The following TRAPPC9 variants were observed in gnomAD, a reference collection of about 807,000 sequenced individuals.
TRAPPC9 encodes trafficking protein particle complex subunit 9.
A neutral mutation model predicts 124.0 loss-of-function variants in TRAPPC9; 83 were observed. The ratio of observed to expected loss-of-function variants is 0.67; its 90% CI spans 0.56 to 0.80. The LOEUF is 0.80. Ranked by LOEUF, TRAPPC9 falls within the 30% of genes least tolerant of loss-of-function variation. The pLI is 0.00. For synonymous variants in TRAPPC9, 638 were observed against 617.5 expected (o/e 1.03, Z -0.49); for missense variants, 1,302 against 1,508.3 (o/e 0.86, Z 2.27).
intron 13 of TRAPPC9, among the ~76,000 whole-genome samples, chr8:140,284,820 G>A (rs577715329): frequency 6.6e-6 from 1 of 152,282 alleles, no homozygotes; most frequent in South Asian, 2.1e-4. Flanking sequence ...CTCACCTCCT[G>A]CCAGCTTAAA....
chr8:140,426,332 G>A (rs2070421669), intron 5 of TRAPPC9, among the ~76,000 whole-genome samples: 1 of 152,200 alleles, frequency 6.6e-6, no homozygotes, highest in Non-Finnish European at 1.5e-5. Flanking sequence ...GGACAAACAT[G>A]CTCAATGCAT....
At chr8:139,756,548 T>A (rs1229016042) in intron 21 of TRAPPC9, among the ~76,000 whole-genome samples, 75 of 87,990 alleles carry the variant, frequency 8.5e-4, no homozygotes, top group African/African-American at 1.2e-3. Flanking sequence ...GGAGCCAGGG[T>A]TTGGGGATGA....
intron 17 of TRAPPC9, among the ~76,000 whole-genome samples, chr8:140,220,794 G>C (rs1267936407): frequency 6.6e-6 from 1 of 152,178 alleles, no homozygotes; most frequent in East Asian, 1.9e-4. Context: ...CCAAAGGCTG[G>C]TCCTGAACAC....
chr8:140,353,134 C>T lies in TRAPPC9; in HGVS notation c.1495+6916G>A, dbSNP rs2067637077. ...GTAGAAGAGGTAAACCAAAAGACTT[C>T]AGATCCCAACAAGACCAAGCCCAGG... is the stretch of plus-strand genomic sequence containing the variant. On this transcript the variant is annotated intron_variant, in intron 9 of 22. Coordinates refer to ENST00000438773, the MANE Select transcript of TRAPPC9 (RefSeq NM_001160372.4). The surrounding 1 kb of genome is among the most constrained non-coding windows in gnomAD (Gnocchi z 4.2). Among the ~76,000 whole-genome samples the T allele has an allele frequency of 6.6e-6, 1 of 152,196 alleles. No individual in the cohort carries two copies. The highest frequency in any genetic ancestry group is 1.5e-5 in the Non-Finnish European group (1 of 68,040).
chr8:140,280,323 T>A (rs1038683649), intron 14 of TRAPPC9, among the ~76,000 whole-genome samples: 8 of 152,250 alleles, frequency 5.3e-5, no homozygotes, highest in Non-Finnish European at 8.8e-5. Context: ...TTCATCTTTC[T>A]AAACAGCATG....
intron 9 of TRAPPC9, among the ~76,000 whole-genome samples, chr8:140,327,144 T>C (rs966152811): frequency 2.0e-5 from 3 of 151,888 alleles, no homozygotes; most frequent in African/African-American, 7.3e-5. Context: ...TCCCAGCTAC[T>C]CGGGAGACTG....
intron 21 of TRAPPC9, among the ~76,000 whole-genome samples, chr8:139,747,901 TA>T (rs1441925881): frequency 2.1e-5 from 1 of 47,346 alleles, no homozygotes; most frequent in Non-Finnish European, 3.5e-5. Context: ...TCAGAGCAGG[TA>T]GGGGGGGCAT....
chr8:139,758,273 G>A (rs1375776835), intron 21 of TRAPPC9, among the ~76,000 whole-genome samples: 2 of 152,230 alleles, frequency 1.3e-5, no homozygotes, highest in Non-Finnish European at 2.9e-5. Flanking sequence ...TGCCTGTGGA[G>A]GAGACCGCCC....
At chr8:139,799,732 T>C (rs1035914862) in intron 21 of TRAPPC9, among the ~76,000 whole-genome samples, 11 of 152,182 alleles carry the variant, frequency 7.2e-5, no homozygotes, top group African/African-American at 2.4e-4. Context: ...AGGAAGAATG[T>C]CCTACCCCGG....
At chr8:139,833,167 G>A (rs1826101389) in intron 21 of TRAPPC9, among the ~76,000 whole-genome samples, 1 of 152,168 alleles carries the variant, frequency 6.6e-6, no homozygotes, top group East Asian at 1.9e-4. Context: ...AACAAGCTTA[G>A]AAGTAGATTT....
intron 9 of TRAPPC9, among the ~76,000 whole-genome samples, chr8:140,324,305 G>GA (rs1344534262): frequency 6.6e-6 from 1 of 152,170 alleles, no homozygotes; most frequent in Admixed American, 6.5e-5. Context: ...GCAAAGGGAT[G>GA]AATGGACACA....
At chr8:139,751,440 T>C (rs995806595) in intron 21 of TRAPPC9, among the ~76,000 whole-genome samples, 1 of 152,180 alleles carries the variant, frequency 6.6e-6, no homozygotes, top group Non-Finnish European at 1.5e-5. Context: ...GCCTTGCTCA[T>C]TTCTGATTCT....
intron 17 of TRAPPC9, among the ~76,000 whole-genome samples, chr8:140,051,454 T>C (rs1365357300): frequency 1.3e-5 from 2 of 152,182 alleles, no homozygotes; most frequent in Admixed American, 6.5e-5. Context: ...AGCAAGCATC[T>C]GAGGGGTCCC....
intron 21 of TRAPPC9, among the ~76,000 whole-genome samples, chr8:139,866,760 G>A (rs1828569189): frequency 6.6e-6 from 1 of 151,652 alleles, no homozygotes. Flanking sequence ...AAGAGATGTT[G>A]AGGCTGTGTG....
In TRAPPC9 at chr8:140,445,604, A is replaced by C. The variant is rs566049204; in HGVS notation, c.584+5186T>G. ...TGGCGGCAGAAAAGGCCCACAACCCAGGGTTAAACCAGCCACCACTGGATC... is the reference window on the plus strand; with the variant it reads ...TGGCGGCAGAAAAGGCCCACAACCCCGGGTTAAACCAGCCACCACTGGATC... On this transcript the variant is annotated intron_variant, in intron 2 of 22. Coordinates refer to ENST00000438773, the MANE Select transcript of TRAPPC9 (RefSeq NM_001160372.4). Among the ~76,000 whole-genome samples, 92 of 152,330 alleles carry C rather than the reference A, an allele frequency of 6.0e-4. 1 individual carries two copies. The highest frequency in any genetic ancestry group is 2.2e-3 in the African/African-American group (90 of 41,582).
At chr8:139,966,053 T>C (rs910496233) in intron 19 of TRAPPC9, among the ~76,000 whole-genome samples, 1 of 152,212 alleles carries the variant, frequency 6.6e-6, no homozygotes, top group Non-Finnish European at 1.5e-5. Flanking sequence ...TACTTTCACA[T>C]AGGACGTTTC....
At chr8:140,293,303 G>A (rs1181160741) in intron 11 of TRAPPC9, among the ~76,000 whole-genome samples, 1 of 151,378 alleles carries the variant, frequency 6.6e-6, no homozygotes, top group Admixed American at 6.6e-5. Context: ...GGAAGTCAGT[G>A]TGGCGATTCC....
At chr8:140,305,030 T>A (rs373470931) in intron 10 of TRAPPC9, among the ~76,000 whole-genome samples, 2 of 152,212 alleles carry the variant, frequency 1.3e-5, no homozygotes, top group African/African-American at 4.8e-5. Context: ...AACATCAGAA[T>A]GTTCTCTTCG....
At chr8:139,890,116 T>G (rs1475430845) in intron 20 of TRAPPC9, among the ~76,000 whole-genome samples, 1 of 152,186 alleles carries the variant, frequency 6.6e-6, no homozygotes, top group African/African-American at 2.4e-5. Context: ...TGCAGCTCCT[T>G]TATCTTTTTG....
Sources: gnomAD v4.1 joint callset for allele counts (sites outside exome capture counted in the v4.1 genomes callset) on GRCh38, gnomAD v4.1.1 for gene constraint, Gnocchi (gnomAD v3.1) non-coding constraint, MANE v1.5 for transcripts, NCBI Gene and HGNC (gene_info 2026-07-23, HGNC 2026-07-21) for gene names.